CSMD1: variants seen among roughly 807,000 people sequenced by gnomAD.
The protein encoded by CSMD1 is CUB and Sushi multiple domains 1.
In CSMD1, 213 loss-of-function variants were observed where a neutral mutation model predicts 417.5. That is an observed-to-expected ratio of 0.51 (90% CI 0.46 to 0.57). The LOEUF (loss-of-function observed/expected upper bound fraction) is 0.57, where lower values mean the gene tolerates loss of function less well. Among genes scored for constraint, CSMD1 ranks in the 20% least tolerant of loss-of-function variants. The pLI is 0.00. For missense variants in CSMD1, 6,923 were observed against 4,529.7 expected, an observed-to-expected ratio of 1.53 and a Z score of -15.17; for synonymous variants, 2,862 against 1,736.8, an observed-to-expected ratio of 1.65 and a Z score of -16.11.
intron 5 of CSMD1, among the ~76,000 whole-genome samples, chr8:3,891,013 C>T (rs149191908): frequency 5.3e-5 from 8 of 151,556 alleles, no homozygotes; most frequent in Non-Finnish European, 7.4e-5. Context: ...AAATGAAGGC[C>T]GTGAAATAAT....
At chr8:4,423,121 G>T (rs998161812) in intron 2 of CSMD1, among the ~76,000 whole-genome samples, 1 of 152,044 alleles carries the variant, frequency 6.6e-6, no homozygotes, top group South Asian at 2.1e-4. Context: ...GAATGCTTCT[G>T]CCTAAGACTG....
chr8:3,243,604 T>A (rs1799687513), intron 26 of CSMD1, among the ~76,000 whole-genome samples: 1 of 151,968 alleles, frequency 6.6e-6, no homozygotes, highest in South Asian at 2.1e-4. Flanking sequence ...CCATTTTCAC[T>A]TCTTTTGTGG....
At chr8:4,657,071 A>C (rs1804276890) in intron 1 of CSMD1, among the ~76,000 whole-genome samples, 1 of 152,182 alleles carries the variant, frequency 6.6e-6, no homozygotes. Context: ...ACAGTGCCCA[A>C]AGCTGCACAG....
chr8:3,513,924 G>C (rs1797181816), intron 10 of CSMD1, among the ~76,000 whole-genome samples: 1 of 152,216 alleles, frequency 6.6e-6, no homozygotes, highest in Non-Finnish European at 1.5e-5. Context: ...CAGAACATAA[G>C]AAGGGGCCAT....
At chr8:4,869,687 G>C (rs1292329482) in intron 1 of CSMD1, among the ~76,000 whole-genome samples, 1 of 151,880 alleles carries the variant, frequency 6.6e-6, no homozygotes, top group Non-Finnish European at 1.5e-5. Flanking sequence ...CATTTTCTCT[G>C]ATTATTAATC....
chr8:4,359,949 G>A (rs770803264), intron 3 of CSMD1, among the ~76,000 whole-genome samples: 1 of 152,156 alleles, frequency 6.6e-6, no homozygotes, highest in Non-Finnish European at 1.5e-5. Flanking sequence ...TTCCCTACTG[G>A]AGATCTTCCA....
rs199589079 is a variant in CSMD1 at position 2,999,277 on chromosome 8, CT to C, written c.8203+680del. ...TCAAGCAATTCTCCTGCTTCAGCCC[CT>C]CCTAGTAGCTGGGATTACAGATGTA... On this transcript the variant is annotated intron_variant, in intron 53 of 69. Transcript: ENST00000635120. Among the ~76,000 whole-genome samples the C allele has an allele frequency of 4.0e-4, 61 of 151,776 alleles. No individual in the cohort carries two copies. The East Asian group carries it at 9.9e-3, about 25-fold the overall frequency.
chr8:3,516,258 G>A (rs993352657), intron 10 of CSMD1, among the ~76,000 whole-genome samples: 4 of 152,226 alleles, frequency 2.6e-5, no homozygotes, highest in African/African-American at 4.8e-5. Flanking sequence ...CTCACCAGCT[G>A]TGCATAGGTA....
At chr8:3,451,247 T>A (rs1020320431) in intron 12 of CSMD1, among the ~76,000 whole-genome samples, 6 of 152,240 alleles carry the variant, frequency 3.9e-5, no homozygotes, top group African/African-American at 1.4e-4. Flanking sequence ...TGCAAAACAT[T>A]TCTGCCACTC....
intron 1 of CSMD1, among the ~76,000 whole-genome samples, chr8:4,809,430 T>C (rs1156861724): frequency 6.6e-6 from 1 of 152,152 alleles, no homozygotes; most frequent in Admixed American, 6.6e-5. Flanking sequence ...TTCCAAACAT[T>C]ACCTGCAATC....
intron 1 of CSMD1, among the ~76,000 whole-genome samples, chr8:4,711,332 G>T (rs568851753): frequency 2.0e-5 from 3 of 152,176 alleles, no homozygotes; most frequent in African/African-American, 7.2e-5. Flanking sequence ...TTAAACCTTT[G>T]TTTTGACTAT....
chr8:4,825,228 T>G (rs11774281), intron 1 of CSMD1, among the ~76,000 whole-genome samples: 38,416 of 151,960 alleles, frequency 0.25, 5,180 homozygotes, highest in East Asian at 0.38. Flanking sequence ...ACGTTTAATA[T>G]ACATACTTGG....
At chr8:3,542,952 G>T (rs1448724597) in intron 10 of CSMD1, among the ~76,000 whole-genome samples, 1 of 151,398 alleles carries the variant, frequency 6.6e-6, no homozygotes, top group South Asian at 2.1e-4. Context: ...GGGACCCGCT[G>T]GCAGTGAATA....
chr8:3,253,757 C>G (rs1442592001), intron 26 of CSMD1, among the ~76,000 whole-genome samples: 1 of 152,078 alleles, frequency 6.6e-6, no homozygotes, highest in Non-Finnish European at 1.5e-5. Context: ...TTATTTTGAG[C>G]CTATGTGTGT....
rs567615906 is a variant in CSMD1 at position 4,939,306 on chromosome 8, T to C, written c.85+55026A>G. Among the ~76,000 whole-genome samples the C allele has an allele frequency of 9.2e-5, 14 of 152,292 alleles. No homozygotes were observed. The East Asian group carries it at 2.1e-3, about 23-fold the overall frequency. On this transcript the variant is annotated intron_variant, in intron 1 of 69. Coordinates refer to ENST00000635120, the MANE Select transcript of CSMD1 (RefSeq NM_033225.6). ...ATGCAGCAATCCTACTGGGTATGCATCCAAAGGAGAAGTCCATATGTCGAG... is the reference window on the plus strand; with the variant it reads ...ATGCAGCAATCCTACTGGGTATGCACCCAAAGGAGAAGTCCATATGTCGAG...
At chr8:4,667,868 C>T (rs928325700) in intron 1 of CSMD1, among the ~76,000 whole-genome samples, 6 of 152,156 alleles carry the variant, frequency 3.9e-5, no homozygotes, top group Admixed American at 6.6e-5. Flanking sequence ...CCTTAATGCA[C>T]GGCTAAAACT....
chr8:3,263,455 T>C (rs999338937), intron 26 of CSMD1, among the ~76,000 whole-genome samples: 3 of 152,294 alleles, frequency 2.0e-5, no homozygotes, highest in East Asian at 1.9e-4. Context: ...TATGGATACA[T>C]TGGGTCTTTG....
At chr8:3,229,194 C>G (rs1162781464) in intron 27 of CSMD1, among the ~76,000 whole-genome samples, 1 of 152,120 alleles carries the variant, frequency 6.6e-6, no homozygotes, top group African/African-American at 2.4e-5. Flanking sequence ...GCAAAATGGC[C>G]TATCCATTTC....
chr8:3,966,184 G>C (rs1447138542), intron 5 of CSMD1, among the ~76,000 whole-genome samples: 5 of 152,196 alleles, frequency 3.3e-5, no homozygotes, highest in East Asian at 1.9e-4. Context: ...AATGTCTAAG[G>C]TACCACGGTA....
Sources: allele counts gnomAD v4.1 joint callset (sites outside exome capture counted in the v4.1 genomes callset), GRCh38; gene constraint gnomAD v4.1.1; transcripts MANE v1.5; gene names NCBI Gene and HGNC (gene_info 2026-07-23, HGNC 2026-07-21).